The following TOM1L2 variants were observed in gnomAD, a reference collection of about 807,000 sequenced individuals.
TOM1L2 encodes target of myb1 like 2 membrane trafficking protein, also known as TOM1-like protein 2.
TOM1L2 carries 31 observed loss-of-function variants against 67.9 expected under a neutral mutation model. That is an observed-to-expected ratio of 0.46 (90% CI 0.34 to 0.62). The LOEUF (loss-of-function observed/expected upper bound fraction) is 0.62, where lower values mean the gene tolerates loss of function less well. Ranked by LOEUF, TOM1L2 falls within the 20% of genes least tolerant of loss-of-function variation. TOM1L2 has a pLI of 0.01. For missense variants in TOM1L2, 606 were observed against 663.5 expected, an observed-to-expected ratio of 0.91 and a Z score of 0.95; for synonymous variants, 256 against 254.0, an observed-to-expected ratio of 1.01 and a Z score of -0.07.
intron 1 of TOM1L2, among the ~76,000 whole-genome samples, chr17:17,971,951 C>T (rs902592444): frequency 2.6e-5 from 4 of 151,754 alleles, no homozygotes; most frequent in South Asian, 4.2e-4. Context: ...GAAGGCCCAG[C>T]CCCCCCGGGA....
At chr17:17,884,388 C>T (rs2037884248) in intron 5 of TOM1L2, among the ~76,000 whole-genome samples, 2 of 152,174 alleles carry the variant, frequency 1.3e-5, no homozygotes, top group Admixed American at 6.5e-5. Flanking sequence ...GTAGCCATTT[C>T]CATGAAAACC....
At chr17:17,884,894 G>A in intron 4 of TOM1L2, 126 bp from the exon 5 acceptor site, 1 of 1,265,510 alleles carries the variant, frequency 7.9e-7, no homozygotes, top group Non-Finnish European at 1.1e-6. Context: ...AATTGCACTG[G>A]CTAAACCTAT....
At position 17,956,754 on chromosome 17, in the gene TOM1L2, C is replaced by T. The variant is rs910713520; in HGVS notation, c.52+15508G>A. 2.6e-5 allele frequency among the ~76,000 whole-genome samples: 4 copies of T among 152,328 alleles called. No homozygotes were observed. The Middle Eastern group carries it at 0.014, about 522-fold the overall frequency. ...CCTGGATGCTAAGCCCCTCACTGCC[C>T]GGGGCCTGCGGTGCTGGGCCCGCTG... On this transcript the variant is annotated intron_variant, in intron 1 of 14. Coordinates refer to ENST00000379504, the MANE Select transcript of TOM1L2 (RefSeq NM_001082968.2).
chr17:17,913,636 C>CT (rs1211008882), intron 1 of TOM1L2, among the ~76,000 whole-genome samples: 3 of 152,112 alleles, frequency 2.0e-5, no homozygotes, highest in Admixed American at 1.3e-4. Context: ...AAGAAGCATT[C>CT]TTTTTGGGTT....
chr17:17,874,742 C>T (rs1568129438), intron 7 of TOM1L2, among the ~76,000 whole-genome samples: 1 of 152,222 alleles, frequency 6.6e-6, no homozygotes, highest in Non-Finnish European at 1.5e-5. Flanking sequence ...CTCTTCCCCA[C>T]AGCCTTCCCA....
At chr17:17,901,916 G>A (rs916483931) in intron 2 of TOM1L2, among the ~76,000 whole-genome samples, 1 of 152,218 alleles carries the variant, frequency 6.6e-6, no homozygotes, top group Non-Finnish European at 1.5e-5. Flanking sequence ...GGGTGCTCTG[G>A]CTCACGCCTG....
intron 2 of TOM1L2, among the ~76,000 whole-genome samples, chr17:17,900,903 C>T (rs2038821948): frequency 1.3e-5 from 2 of 152,224 alleles, no homozygotes; most frequent in South Asian, 4.1e-4. Context: ...CCACTGCTGT[C>T]CCTGACCCAC....
At chr17:17,893,013 C>T (rs1250426389) in intron 4 of TOM1L2, among the ~76,000 whole-genome samples, 1 of 152,208 alleles carries the variant, frequency 6.6e-6, no homozygotes, top group Non-Finnish European at 1.5e-5. Context: ...GCCACCTGCT[C>T]CTGAATTCCT....
intron 14 of TOM1L2, among the ~76,000 whole-genome samples, chr17:17,848,329 C>T (rs1298765353): frequency 2.0e-5 from 3 of 152,054 alleles, no homozygotes; most frequent in Non-Finnish European, 4.4e-5. Context: ...CACGGAGAGG[C>T]AGATGGAGTG....
chr17:17,967,065 C>T (rs1227181022), intron 1 of TOM1L2, among the ~76,000 whole-genome samples: 1 of 152,152 alleles, frequency 6.6e-6, no homozygotes, highest in Non-Finnish European at 1.5e-5. Flanking sequence ...TTAATATAAA[C>T]ATCTACCCTA....
intron 5 of TOM1L2, 60 bp downstream of exon 5, chr17:17,884,574 G>T (rs2037895284): frequency 6.2e-7 from 1 of 1,605,390 alleles, no homozygotes; most frequent in Non-Finnish European, 8.5e-7. Context: ...GGTGGCTGCA[G>T]CAGCTTGGCT....
chr17:17,958,720 A>G (rs923627446), intron 1 of TOM1L2, among the ~76,000 whole-genome samples: 1 of 152,182 alleles, frequency 6.6e-6, no homozygotes, highest in Admixed American at 6.5e-5. Context: ...TTCCTGGCAC[A>G]CCTCACCCAA....
At chr17:17,913,918 T>C (rs2039516325) in intron 1 of TOM1L2, among the ~76,000 whole-genome samples, 1 of 152,190 alleles carries the variant, frequency 6.6e-6, no homozygotes, top group Non-Finnish European at 1.5e-5. Flanking sequence ...TCTCTGTACT[T>C]TCTTCTCCAT....
At chr17:17,900,260 C>T (rs1175887145) in intron 2 of TOM1L2, among the ~76,000 whole-genome samples, 3 of 151,416 alleles carry the variant, frequency 2.0e-5, no homozygotes, top group Non-Finnish European at 4.4e-5. Context: ...TGGCTCATTC[C>T]TGTAATCCCA....
intron 4 of TOM1L2, among the ~76,000 whole-genome samples, chr17:17,888,943 C>T (rs762021743): frequency 2.6e-5 from 4 of 152,162 alleles, no homozygotes; most frequent in Admixed American, 6.5e-5. Context: ...TGAAAGCTGC[C>T]GGAAGGGAAG....
intron 5 of TOM1L2, among the ~76,000 whole-genome samples, chr17:17,883,279 T>A (rs975438509): frequency 6.6e-6 from 1 of 152,266 alleles, no homozygotes; most frequent in Admixed American, 6.5e-5. Flanking sequence ...ACAAGTAGAC[T>A]AATATAAATA....
intron 1 of TOM1L2, among the ~76,000 whole-genome samples, chr17:17,924,678 T>G (rs1455060002): frequency 6.6e-6 from 1 of 152,078 alleles, no homozygotes; most frequent in Non-Finnish European, 1.5e-5. Flanking sequence ...GATAGGAGTA[T>G]TGCTTCAGCA....
At chr17:17,911,110 G>A (rs1474805807) in intron 1 of TOM1L2, among the ~76,000 whole-genome samples, 1 of 152,212 alleles carries the variant, frequency 6.6e-6, no homozygotes, top group African/African-American at 2.4e-5. Flanking sequence ...ACATAGGAGG[G>A]TGGGTGGGCA....
At chr17:17,864,014 G>A (rs986802927) in intron 10 of TOM1L2, among the ~76,000 whole-genome samples, 1 of 151,628 alleles carries the variant, frequency 6.6e-6, no homozygotes, top group African/African-American at 2.4e-5. Context: ...CTACAGGTGT[G>A]TGCCACCACT....
Sources: gnomAD v4.1 joint callset for allele counts (sites outside exome capture counted in the v4.1 genomes callset) on GRCh38, gnomAD v4.1.1 for gene constraint, MANE v1.5 for transcripts, NCBI Gene and HGNC (gene_info 2026-07-23, HGNC 2026-07-21) for gene names.